Variants in RC3H2 observed in about 807,000 individuals in gnomAD.
RC3H2 encodes ring finger and CCCH-type domains 2.
In RC3H2, 31 loss-of-function variants were observed where a neutral mutation model predicts 133.3. That is an observed-to-expected ratio of 0.23 (90% CI 0.17 to 0.31). The LOEUF (loss-of-function observed/expected upper bound fraction) is 0.31, where lower values mean the gene tolerates loss of function less well. RC3H2 is among the 10% of genes least tolerant of loss of function. The pLI, the probability that RC3H2 is intolerant of heterozygous loss-of-function variation, is 1.00. For synonymous variants in RC3H2, 517 were observed against 502.2 expected (o/e 1.03, Z -0.40); for missense variants, 1,175 against 1,437.2 (o/e 0.82, Z 2.95).
At chr9:122,872,861 C>T (rs1295780079) in intron 9 of RC3H2, among the ~76,000 whole-genome samples, 2 of 152,222 alleles carry the variant, frequency 1.3e-5, no homozygotes, top group Non-Finnish European at 2.9e-5. Context: ...GCTGGGATTA[C>T]AGGCATGAGC....
intron 9 of RC3H2, among the ~76,000 whole-genome samples, chr9:122,870,689 T>G (rs974301448): frequency 6.6e-6 from 1 of 152,196 alleles, no homozygotes; most frequent in Admixed American, 6.5e-5. Context: ...TAGCTGGGAC[T>G]ACAGGTGTGC....
chr9:122,863,777 C>T (rs1406692290), intron 10 of RC3H2, among the ~76,000 whole-genome samples: 1 of 151,860 alleles, frequency 6.6e-6, no homozygotes, highest in Non-Finnish European at 1.5e-5. Flanking sequence ...ACTCTTGTTG[C>T]CCAGGCTGGC....
At chr9:122,901,928 CTTT>C (rs542589870) in intron 1 of RC3H2, among the ~76,000 whole-genome samples, 8 of 116,862 alleles carry the variant, frequency 6.8e-5, no homozygotes, top group Admixed American at 1.8e-4. Context: ...ATAACTACTT[CTTT>C]TTTTTTTTTT....
At chr9:122,895,568 C>T (rs1234130543) in intron 2 of RC3H2, among the ~76,000 whole-genome samples, 2 of 152,124 alleles carry the variant, frequency 1.3e-5, no homozygotes, top group Non-Finnish European at 2.9e-5. Flanking sequence ...AATATACTGG[C>T]AATTAAATTA....
At chr9:122,904,278 C>T in intron 1 of RC3H2, among the ~76,000 whole-genome samples, 1 of 152,164 alleles carries the variant, frequency 6.6e-6, no homozygotes, top group Admixed American at 6.5e-5. Context: ...ATTAGATTTA[C>T]TTTATGCCAG....
intron 3 of RC3H2, among the ~76,000 whole-genome samples, chr9:122,891,565 G>T (rs1224764374): frequency 6.6e-6 from 1 of 152,068 alleles, no homozygotes. Context: ...TATTTTATCT[G>T]ACCTTCCAAC....
chr9:122,851,457 G>T, intron 18 of RC3H2, 21 bp from the exon 19 acceptor site: 1 of 1,611,586 alleles, frequency 6.2e-7, no homozygotes, highest in Admixed American at 1.7e-5. Flanking sequence ...TACTGATTTT[G>T]CTCTCCCTCT....
chr9:122,854,768 T>C (rs898366218), intron 15 of RC3H2, among the ~76,000 whole-genome samples, 153 bp from the exon 16 acceptor site: 1 of 152,194 alleles, frequency 6.6e-6, no homozygotes, highest in African/African-American at 2.4e-5. Flanking sequence ...GGTTGTTAAA[T>C]GGAGGGAAAT....
chr9:122,885,855 C>T (rs1249629619), intron 4 of RC3H2, among the ~76,000 whole-genome samples: 1 of 152,036 alleles, frequency 6.6e-6, no homozygotes, highest in Admixed American at 6.6e-5. Context: ...TGGTTTCTTT[C>T]ATTTAACGTG....
At position 122,890,550 on chromosome 9, in the gene RC3H2, A is replaced by G. The variant is rs758895721; in HGVS notation, c.350-5T>C. The G allele has an allele frequency of 2.3e-5, 36 of 1,584,940 alleles. No individual in the cohort carries two copies. In the Admixed American group the frequency reaches 6.3e-4, roughly 28 times the overall value. Reference sequence around the variant, plus strand: ...TCTGGTTCAAGCTAGCTACACCTTTAGGAAAAGGGAAACAAAGGGAGCTAA... The same window carrying G: ...TCTGGTTCAAGCTAGCTACACCTTTGGGAAAAGGGAAACAAAGGGAGCTAA... On this transcript the variant is annotated splice_polypyrimidine_tract_variant and splice_region_variant and intron_variant, in intron 3 of 20. Coordinates refer to ENST00000357244, the MANE Select transcript of RC3H2 (RefSeq NM_001100588.3).
chr9:122,856,599 A>G (rs1038153884), intron 13 of RC3H2, among the ~76,000 whole-genome samples: 8 of 152,210 alleles, frequency 5.3e-5, no homozygotes, highest in African/African-American at 1.9e-4. Context: ...CAAATAAGGG[A>G]ATATAACTGA....
chr9:122,902,177 C>A (rs1005172916), intron 1 of RC3H2, among the ~76,000 whole-genome samples: 1 of 152,052 alleles, frequency 6.6e-6, no homozygotes, highest in Non-Finnish European at 1.5e-5. Context: ...GTGATCCACC[C>A]GCCTCAGCCT....
rs566911974 is a variant in RC3H2 at position 122,888,705 on chromosome 9, CCA to C, written c.583+1605_583+1606del. On this transcript the variant is annotated intron_variant, in intron 4 of 20. Coordinates refer to ENST00000357244, the MANE Select transcript of RC3H2 (RefSeq NM_001100588.3). ...CATAGTACTACACTGGAAGGATATA[CCA>C]CAGTTTATTATACTAGTACCTTATT... Among the ~76,000 whole-genome samples, 10 of 152,252 alleles carry C rather than the reference CCA, an allele frequency of 6.6e-5. No homozygotes were observed. The South Asian group carries it at 1.9e-3, about 28-fold the overall frequency.
chr9:122,900,207 A>G (rs991653410), intron 1 of RC3H2, among the ~76,000 whole-genome samples: 1 of 152,174 alleles, frequency 6.6e-6, no homozygotes, highest in African/African-American at 2.4e-5. Context: ...AATTTCTACC[A>G]CAAATTGAAT....
At chr9:122,861,439 G>A (rs796178354) in intron 10 of RC3H2, among the ~76,000 whole-genome samples, 15 of 146,428 alleles carry the variant, frequency 1.0e-4, no homozygotes, top group African/African-American at 3.1e-4. Context: ...GTGGTGAGCC[G>A]AGATCACGCC....
chr9:122,899,820 G>A (rs1832586556), intron 1 of RC3H2, among the ~76,000 whole-genome samples: 1 of 152,198 alleles, frequency 6.6e-6, no homozygotes, highest in African/African-American at 2.4e-5. Context: ...ATGAAAACAG[G>A]ACACTGCGTG....
chr9:122,884,902 C>T (rs1831839007), intron 4 of RC3H2, among the ~76,000 whole-genome samples: 1 of 150,982 alleles, frequency 6.6e-6, no homozygotes, highest in Non-Finnish European at 1.5e-5. Context: ...CTGTATTCTT[C>T]AGGAATATCA....
chr9:122,854,360 TGA>T, intron 16 of RC3H2, 94 bp from the exon 17 acceptor site: 1 of 1,265,620 alleles, frequency 7.9e-7, no homozygotes, highest in Non-Finnish European at 1.1e-6. Context: ...AGATCAACCC[TGA>T]AAACTTCACT....
At chr9:122,903,062 T>C (rs1260009791) in intron 1 of RC3H2, among the ~76,000 whole-genome samples, 1 of 152,126 alleles carries the variant, frequency 6.6e-6, no homozygotes, top group Non-Finnish European at 1.5e-5. Flanking sequence ...TCTTCAACTG[T>C]CACATGTGGC....
Sources: allele counts gnomAD v4.1 joint callset (sites outside exome capture counted in the v4.1 genomes callset), GRCh38; gene constraint gnomAD v4.1.1; transcripts MANE v1.5; gene names NCBI Gene and HGNC (gene_info 2026-07-23, HGNC 2026-07-21).